The following MECOM variants were observed in gnomAD, a reference collection of about 807,000 sequenced individuals.
MECOM encodes histone-lysine N-methyltransferase MECOM.
In MECOM, 13 loss-of-function variants were observed where a neutral mutation model predicts 116.3. That is an observed-to-expected ratio of 0.11 (90% CI 0.07 to 0.18). The LOEUF (loss-of-function observed/expected upper bound fraction) is 0.18, where lower values mean the gene tolerates loss of function less well. MECOM is among the 10% of genes least tolerant of loss of function. The pLI, the probability that MECOM is intolerant of heterozygous loss-of-function variation, is 1.00. For missense variants in MECOM, 1,299 were observed against 1,509.0 expected (o/e 0.86, Z 2.31); for synonymous variants, 528 against 535.2 (o/e 0.99, Z 0.19).
At chr3:169,215,498 C>G (rs996749981) in intron 2 of MECOM, among the ~76,000 whole-genome samples, 1 of 152,074 alleles carries the variant, frequency 6.6e-6, no homozygotes, top group Admixed American at 6.6e-5. Flanking sequence ...ACCCATTCAA[C>G]GATGGTTACA....
chr3:169,085,144 T>G (rs1414555212), intron 16 of MECOM, 101 bp from the exon 17 acceptor site: 1 of 1,422,652 alleles, frequency 7.0e-7, no homozygotes, highest in African/African-American at 1.4e-5. Flanking sequence ...GGACCCTGAG[T>G]AGGGGCATCC....
rs1026634494 is a variant in MECOM, at chr3:169,441,819, C to T, written c.38-60295G>A. Among the ~76,000 whole-genome samples the T allele has an allele frequency of 2.7e-5, 4 of 150,884 alleles. No individual in the cohort carries two copies. In the Admixed American group the frequency reaches 2.7e-4, roughly 10 times the overall value. ...AATCTCAGTGCACTGCAACCTCCAC[C>T]TCTCGGGATCAAGTGATTCTCCTGC... is the stretch of plus-strand genomic sequence containing the variant. On this transcript the variant is annotated intron_variant, in intron 1 of 16. Coordinates refer to ENST00000651503, the MANE Select transcript of MECOM (RefSeq NM_004991.4).
intron 1 of MECOM, among the ~76,000 whole-genome samples, chr3:169,431,523 A>C (rs1741628284): frequency 6.6e-6 from 1 of 152,198 alleles, no homozygotes; most frequent in Admixed American, 6.6e-5. Flanking sequence ...ATGGTACCAC[A>C]AGAAAAAAAA....
At chr3:169,555,234 T>A (rs1399806483) in intron 1 of MECOM, among the ~76,000 whole-genome samples, 1 of 152,242 alleles carries the variant, frequency 6.6e-6, no homozygotes, top group East Asian at 1.9e-4. Context: ...CATTCAACAT[T>A]ATTATTTATA....
chr3:169,172,077 C>A (rs1303232922), intron 2 of MECOM, among the ~76,000 whole-genome samples: 1 of 151,734 alleles, frequency 6.6e-6, no homozygotes, highest in East Asian at 1.9e-4. Context: ...AATAGAAATT[C>A]TCCCTTTGTT....
chr3:169,457,829 G>C (rs1385294544), intron 1 of MECOM, among the ~76,000 whole-genome samples: 1 of 152,114 alleles, frequency 6.6e-6, no homozygotes, highest in Non-Finnish European at 1.5e-5. Flanking sequence ...CTTGGAATAG[G>C]AGCAAATGTG....
intron 2 of MECOM, among the ~76,000 whole-genome samples, chr3:169,182,019 A>G (rs186609818): frequency 6.6e-6 from 1 of 152,344 alleles, no homozygotes; most frequent in Admixed American, 6.5e-5. Context: ...GAGATGAAAA[A>G]TACAAATCAA....
At chr3:169,641,564 A>G (rs74756127) in intron 1 of MECOM, among the ~76,000 whole-genome samples, 3,814 of 152,298 alleles carry the variant, frequency 0.025, 68 homozygotes, top group South Asian at 0.055. Flanking sequence ...GGGCATTATC[A>G]TAAGTGTTCT....
At chr3:169,281,203 G>T (rs1395561733) in intron 2 of MECOM, among the ~76,000 whole-genome samples, 1 of 152,186 alleles carries the variant, frequency 6.6e-6, no homozygotes, top group East Asian at 1.9e-4. Context: ...TGCTGAATCG[G>T]ATTCTGCGTT....
At chr3:169,389,956 A>C (rs949554639) in intron 1 of MECOM, among the ~76,000 whole-genome samples, 5 of 152,214 alleles carry the variant, frequency 3.3e-5, no homozygotes, top group African/African-American at 1.2e-4. Context: ...GAAGGTATAG[A>C]GAATATTTTA....
intron 2 of MECOM, among the ~76,000 whole-genome samples, chr3:169,217,328 C>A (rs1451509276): frequency 6.6e-6 from 1 of 151,748 alleles, no homozygotes; most frequent in African/African-American, 2.4e-5. Context: ...AGGAAAGATT[C>A]TGATATAGGA....
At chr3:169,404,621 G>C (rs889826499) in intron 1 of MECOM, among the ~76,000 whole-genome samples, 6 of 152,198 alleles carry the variant, frequency 3.9e-5, no homozygotes, top group African/African-American at 9.6e-5. Context: ...CGATGGGCCA[G>C]TTCCTCTGAA....
chr3:169,209,556 G>A (rs1750431019), intron 2 of MECOM, among the ~76,000 whole-genome samples: 1 of 152,014 alleles, frequency 6.6e-6, no homozygotes, highest in Non-Finnish European at 1.5e-5. Flanking sequence ...GATATGAACA[G>A]ACAACTCAAA....
At chr3:169,159,561 A>AAAAT (rs1239490936) in intron 2 of MECOM, among the ~76,000 whole-genome samples, 1 of 152,302 alleles carries the variant, frequency 6.6e-6, no homozygotes, top group Non-Finnish European at 1.5e-5. Context: ...CCGTCTCAAA[A>AAAAT]AAATAAATAA....
intron 2 of MECOM, among the ~76,000 whole-genome samples, chr3:169,150,994 T>G (rs1006678700): frequency 6.6e-6 from 1 of 152,350 alleles, no homozygotes; most frequent in East Asian, 1.9e-4. Flanking sequence ...TCTGCCTTCA[T>G]TGTGTAACTG....
At chr3:169,548,513 G>A (rs1576822011) in intron 1 of MECOM, among the ~76,000 whole-genome samples, 1 of 152,292 alleles carries the variant, frequency 6.6e-6, no homozygotes, top group East Asian at 1.9e-4. Flanking sequence ...AAAAGTAAGA[G>A]GGAGCTAAAA....
chr3:169,573,326 A>G (rs2109464020), intron 1 of MECOM, among the ~76,000 whole-genome samples: 1 of 152,364 alleles, frequency 6.6e-6, no homozygotes, highest in South Asian at 2.1e-4. Context: ...AAAATTTTGT[A>G]AATGTACACA....
chr3:169,361,839 A>G (rs1043840500), intron 2 of MECOM, among the ~76,000 whole-genome samples: 1 of 151,878 alleles, frequency 6.6e-6, no homozygotes, highest in Admixed American at 6.6e-5. Flanking sequence ...AGGCTGAACT[A>G]AAGTCATACC....
chr3:169,206,071 C>T (rs911488267), intron 2 of MECOM, among the ~76,000 whole-genome samples: 2 of 152,138 alleles, frequency 1.3e-5, no homozygotes, highest in African/African-American at 4.8e-5. Flanking sequence ...TCCTGTTTCA[C>T]ACTTTCATGT....
Sources: gnomAD v4.1 joint callset for allele counts (sites outside exome capture counted in the v4.1 genomes callset) on GRCh38, gnomAD v4.1.1 for gene constraint, MANE v1.5 for transcripts, NCBI Gene and HGNC (gene_info 2026-07-23, HGNC 2026-07-21) for gene names.